DTNA: variants seen among roughly 807,000 people sequenced by gnomAD.
The protein encoded by DTNA is dystrophin-related protein 3.
A neutral mutation model predicts 100.7 loss-of-function variants in DTNA; 43 were observed. The ratio of observed to expected loss-of-function variants is 0.43; its 90% CI spans 0.33 to 0.55. The LOEUF (loss-of-function observed/expected upper bound fraction) is 0.55. Ranked by LOEUF, DTNA falls within the 20% of genes least tolerant of loss-of-function variation. The pLI, the probability that DTNA is intolerant of heterozygous loss-of-function variation, is 0.04. For synonymous variants in DTNA, 349 were observed against 347.9 expected (o/e 1.00, Z -0.04); for missense variants, 798 against 953.9 (o/e 0.84, Z 2.15).
chr18:34,735,486 A>G (rs2089373280), intron 1 of DTNA, among the ~76,000 whole-genome samples: 1 of 152,224 alleles, frequency 6.6e-6, no homozygotes, highest in African/African-American at 2.4e-5. Context: ...AAGGATGTGC[A>G]TTATAAACCA....
At chr18:34,543,804 A>T (rs1239311736) in intron 1 of DTNA, among the ~76,000 whole-genome samples, 1 of 152,128 alleles carries the variant, frequency 6.6e-6, no homozygotes, top group Non-Finnish European at 1.5e-5. Flanking sequence ...AACAATTGGA[A>T]TTTAATATTC....
At chr18:34,571,288 A>G (rs2047561410) in intron 1 of DTNA, among the ~76,000 whole-genome samples, 1 of 152,348 alleles carries the variant, frequency 6.6e-6, no homozygotes, top group South Asian at 2.1e-4. Context: ...AAGTCTCATC[A>G]GTATTTCTAA....
At chr18:34,880,173 A>G (rs753150929) in intron 20 of DTNA, among the ~76,000 whole-genome samples, 7 of 152,236 alleles carry the variant, frequency 4.6e-5, no homozygotes, top group Non-Finnish European at 2.9e-5. Context: ...AAATAAGTAC[A>G]TGTATAAAAT....
chr18:34,728,635 C>G (rs932385272), intron 1 of DTNA, among the ~76,000 whole-genome samples: 2 of 152,118 alleles, frequency 1.3e-5, no homozygotes, highest in Non-Finnish European at 2.9e-5. Context: ...TGGCTGCAGA[C>G]TCATTTAGAT....
chr18:34,715,360 A>G (rs2146695191), intron 1 of DTNA, among the ~76,000 whole-genome samples: 1 of 152,302 alleles, frequency 6.6e-6, no homozygotes, highest in South Asian at 2.1e-4. Context: ...TCTTCACTTC[A>G]TGGTATTATT....
chr18:34,797,262 A>G (rs961933789), intron 4 of DTNA, among the ~76,000 whole-genome samples: 2 of 152,160 alleles, frequency 1.3e-5, no homozygotes, highest in African/African-American at 4.8e-5. Context: ...CTTCTAAGCA[A>G]ATCTCTCCAC....
chr18:34,745,338 T>C (rs1242594577), intron 1 of DTNA, among the ~76,000 whole-genome samples: 1 of 152,152 alleles, frequency 6.6e-6, no homozygotes, highest in Admixed American at 6.5e-5. Flanking sequence ...TGGAAATCAA[T>C]TTCAGAAGCC....
chr18:34,620,075 T>C (rs748865726), intron 1 of DTNA, among the ~76,000 whole-genome samples: 1 of 152,100 alleles, frequency 6.6e-6, no homozygotes, highest in Non-Finnish European at 1.5e-5. Flanking sequence ...ACAAACAAGA[T>C]TGGTAAAGAC....
At chr18:34,633,568 G>T (rs2058328538) in intron 1 of DTNA, among the ~76,000 whole-genome samples, 1 of 152,110 alleles carries the variant, frequency 6.6e-6, no homozygotes, top group South Asian at 2.1e-4. Context: ...ATGGCAGAGG[G>T]CCAGGTGGTA....
intron 1 of DTNA, among the ~76,000 whole-genome samples, chr18:34,678,717 G>A (rs774074092): frequency 2.0e-5 from 3 of 152,120 alleles, no homozygotes; most frequent in African/African-American, 4.8e-5. Context: ...GTCACTCCCA[G>A]CCATAGGGTC....
chr18:34,581,089 CAA>C lies in DTNA; in HGVS notation c.-2+87584_-2+87585del, dbSNP rs140324349. On this transcript the variant is annotated intron_variant, in intron 1 of 19. Transcript: ENST00000283365. ...TGAAACCCTGTCTCTACTAAAAATA[CAA>C]AAAAAAAATTAGCCGGGTGTGGTGG... is the stretch of plus-strand genomic sequence containing the variant. Among the ~76,000 whole-genome samples the C allele has an allele frequency of 4.9e-3, 738 of 149,104 alleles. 5 individuals carry two copies. Among genetic ancestry groups the C allele is most frequent in the African/African-American group, 0.016 (645 of 40,860 alleles).
intron 1 of DTNA, among the ~76,000 whole-genome samples, chr18:34,564,740 C>T (rs2046940410): frequency 6.6e-6 from 1 of 152,122 alleles, no homozygotes; most frequent in Non-Finnish European, 1.5e-5. Flanking sequence ...ATTTTATTTG[C>T]AAATAAGTAA....
intron 1 of DTNA, among the ~76,000 whole-genome samples, chr18:34,753,361 A>ATTTATTTTTTTTTTTTTTTTTTTTTTTTT (rs1568412397): frequency 1.0e-5 from 1 of 96,890 alleles, no homozygotes; most frequent in African/African-American, 5.3e-5. Context: ...TTATTTATTT[A>ATTTATTTTTTTTTTTTTTTTTTTTTTTTT]TTTTATTTTT....
chr18:34,850,321 C>T (rs2081991976), intron 14 of DTNA, among the ~76,000 whole-genome samples: 1 of 152,082 alleles, frequency 6.6e-6, no homozygotes, highest in Admixed American at 6.5e-5. Context: ...AAAGTATATG[C>T]CAGAAAAGGA....
At chr18:34,827,479 G>A (rs1286971610) in intron 9 of DTNA, 114 bp from the exon 10 acceptor site, 3 of 925,618 alleles carry the variant, frequency 3.2e-6, no homozygotes, top group Non-Finnish European at 5.4e-6. Context: ...TGTTGATCCT[G>A]GGAAAGGTAG....
intron 1 of DTNA, among the ~76,000 whole-genome samples, chr18:34,623,655 A>G (rs891069410): frequency 3.3e-5 from 5 of 152,304 alleles, no homozygotes; most frequent in African/African-American, 9.6e-5. Flanking sequence ...CATTCAATCA[A>G]TAAGTACTTT....
chr18:34,597,363 C>T (rs970714596), intron 1 of DTNA, among the ~76,000 whole-genome samples: 12 of 152,094 alleles, frequency 7.9e-5, no homozygotes, highest in South Asian at 2.1e-4. Context: ...TCTTAAATCC[C>T]GTGCTTTCCA....
At chr18:34,503,878 C>T (rs1472012689) in intron 1 of DTNA, among the ~76,000 whole-genome samples, 5 of 151,958 alleles carry the variant, frequency 3.3e-5, no homozygotes, top group African/African-American at 1.2e-4. Context: ...CCAGGCTGGC[C>T]AGGCTGGAGT....
intron 1 of DTNA, among the ~76,000 whole-genome samples, chr18:34,528,380 G>C (rs1195792571): frequency 6.6e-6 from 1 of 152,048 alleles, no homozygotes; most frequent in African/African-American, 2.4e-5. Flanking sequence ...ATTCCTATTA[G>C]CTCATGCAAG....
Sources: gnomAD v4.1 joint callset for allele counts (sites outside exome capture counted in the v4.1 genomes callset) on GRCh38, gnomAD v4.1.1 for gene constraint, MANE v1.5 for transcripts, NCBI Gene and HGNC (gene_info 2026-07-23, HGNC 2026-07-21) for gene names.